Variants in MTUS1 observed in about 807,000 individuals in gnomAD.
The protein encoded by MTUS1 is microtubule-associated tumor suppressor 1.
MTUS1 carries 109 observed loss-of-function variants against 120.8 expected under a neutral mutation model. The ratio of observed to expected loss-of-function variants is 0.90; its 90% CI spans 0.77 to 1.06. MTUS1 has a LOEUF of 1.06. Among genes scored for constraint, MTUS1 ranks in the 50% least tolerant of loss-of-function variants. The pLI is 0.00. For synonymous variants in MTUS1, 737 were observed against 550.5 expected, an observed-to-expected ratio of 1.34 and a Z score of -4.74; for missense variants, 2,210 against 1,486.3, an observed-to-expected ratio of 1.49 and a Z score of -8.01.
Position 17,684,514 on chromosome 8 carries a change from T to A in MTUS1, c.2652A>T (p.Arg884=), listed in dbSNP as rs1815339178. The A allele has an allele frequency of 8.1e-6, 13 of 1,613,964 alleles. No individual in the cohort carries two copies. The highest frequency in any genetic ancestry group is 1.0e-5 in the Non-Finnish European group (12 of 1,180,034). Residue 884 remains arginine, a synonymous_variant, in exon 7 of 15, where the codon CGA becomes CGT. Coordinates refer to ENST00000693296, the MANE Select transcript of MTUS1 (RefSeq NM_001363059.2). ...AVEKSRQKNP[R]SLCIQPQTAP... is the part of the protein sequence containing the mutation. Reference sequence around the variant, plus strand: ...CTGTCTGTGGCTGGATACATAAGCTTCGAGGATTCTTTTGCCTGCTCTTTT... The same window carrying A: ...CTGTCTGTGGCTGGATACATAAGCTACGAGGATTCTTTTGCCTGCTCTTTT...
chr8:17,788,412 C>T (rs538023762), intron 1 of MTUS1, among the ~76,000 whole-genome samples: 13 of 152,216 alleles, frequency 8.5e-5, no homozygotes, highest in African/African-American at 3.1e-4. Flanking sequence ...CAACAGAAAC[C>T]CTTAAATGTT....
At chr8:17,756,680 C>CCCCCA (rs2048648381) in intron 1 of MTUS1, among the ~76,000 whole-genome samples, 1 of 8,026 alleles carries the variant, frequency 1.2e-4, no homozygotes, top group Non-Finnish European at 4.3e-4. Flanking sequence ...AACCCCCACC[C>CCCCCA]CTTATGTAAC....
chr8:17,742,608 C>T (rs566488641), intron 3 of MTUS1, among the ~76,000 whole-genome samples: 1 of 152,092 alleles, frequency 6.6e-6, no homozygotes. Context: ...CCCTCTTCCT[C>T]CACTCACGCC....
In MTUS1 at chr8:17,723,819, A is replaced by G. The variant is rs1205249352; in HGVS notation, c.2302T>C (p.Leu768=). Residue 768 remains leucine (L), a synonymous_variant, in exon 4 of 15, where the codon TTG becomes CTG. Transcript: ENST00000693296. ...RVSSSGKPTS[L]KTAQSSWVNL... is the part of the protein sequence containing the mutation. ...ACCCATGACGACTGTGCAGTTTTCAAGGATGTAGGCTTTCCTTGGGGTTTA... is the reference window on the plus strand; with the variant it reads ...ACCCATGACGACTGTGCAGTTTTCAGGGATGTAGGCTTTCCTTGGGGTTTA... 2 of 1,589,692 alleles carry G rather than the reference A, an allele frequency of 1.3e-6. No homozygotes were observed. The highest frequency in any genetic ancestry group is 1.7e-4 in the Middle Eastern group (1 of 5,916).
In MTUS1 at chr8:17,730,446, C is replaced by T. The variant is rs181487317; in HGVS notation, c.2288-6613G>A. On this transcript the variant is annotated intron_variant, in intron 3 of 14. Transcript: ENST00000693296. ...GTTACAGTGAGCTGAGATCATGCCA[C>T]TATACTCTGGCCTGGGCAAGAGAGC... is the stretch of plus-strand genomic sequence containing the variant. Among the ~76,000 whole-genome samples, 221 of 143,290 alleles carry T rather than the reference C, an allele frequency of 1.5e-3. 2 individuals are homozygous for T. The highest frequency in any genetic ancestry group is 7.5e-3 in the Middle Eastern group (2 of 266). 94.0% of individuals were successfully genotyped at this position (143,290 alleles called of 152,430 possible). A position where few individuals can be genotyped will look rare whatever the true frequency, so the allele number is the denominator to read the frequency against.
chr8:17,754,638 A>G lies in MTUS1; in HGVS notation c.1170T>C (p.Asn390=). 2.5e-6 allele frequency: 4 copies of G among 1,614,150 alleles called. No homozygotes were observed. The highest frequency in any genetic ancestry group is 3.4e-6 in the Non-Finnish European group (4 of 1,180,012). ...VSKGKDLGTQ[N]HTSELILSSP... ...TACTTAGAATCAATTCTGAGGTATG[A>G]TTTTGGGTTCCCAAATCCTTTCCTT... Residue 390 remains asparagine, a synonymous_variant, in exon 2 of 15, where the codon AAT becomes AAC. Coordinates refer to ENST00000693296, the MANE Select transcript of MTUS1 (RefSeq NM_001363059.2).
chr8:17,727,317 C>A (rs922251909), intron 3 of MTUS1, among the ~76,000 whole-genome samples: 1 of 152,158 alleles, frequency 6.6e-6, no homozygotes, highest in African/African-American at 2.4e-5. Context: ...GGTCACATAC[C>A]CGGCCAGTGA....
At chr8:17,770,980 T>C (rs1057314176) in intron 1 of MTUS1, among the ~76,000 whole-genome samples, 1 of 152,148 alleles carries the variant, frequency 6.6e-6, no homozygotes, top group Non-Finnish European at 1.5e-5. Context: ...GTGATTTGGA[T>C]AATGAAAAAG....
At chr8:17,781,672 T>A (rs547115012) in intron 1 of MTUS1, among the ~76,000 whole-genome samples, 1 of 152,340 alleles carries the variant, frequency 6.6e-6, no homozygotes, top group South Asian at 2.1e-4. Context: ...GAAGAAATGC[T>A]GGCTCTCCCC....
chr8:17,697,276 G>A (rs1451127914), intron 6 of MTUS1: 3 of 1,613,776 alleles, frequency 1.9e-6, no homozygotes, highest in Admixed American at 1.7e-5. Flanking sequence ...AAACAACAGT[G>A]CTTCTCCTAA....
In MTUS1 at chr8:17,737,964, C is replaced by T. The variant is rs931979221; in HGVS notation, c.2287+5640G>A. ...AAGAAGATTTGAAATTACCTTAACA[C>T]GAAATGAATGAAAAAATAATCAGTT... On this transcript the variant is annotated intron_variant, in intron 3 of 14. Transcript: ENST00000693296. Among the ~76,000 whole-genome samples the T allele has an allele frequency of 5.9e-5, 9 of 151,982 alleles. No homozygotes were observed. The East Asian group carries it at 1.2e-3, about 20-fold the overall frequency.
chr8:17,716,100 T>C (rs1351623232), intron 4 of MTUS1, among the ~76,000 whole-genome samples, 199 bp from the exon 5 acceptor site: 8 of 152,198 alleles, frequency 5.3e-5, no homozygotes, highest in Middle Eastern at 3.4e-3. Flanking sequence ...ATAATCAGAG[T>C]GACCACACAT....
In MTUS1 at chr8:17,727,601, G is replaced by C. The variant is rs149621586; in HGVS notation, c.2288-3768C>G. Among the ~76,000 whole-genome samples the C allele has an allele frequency of 3.9e-3, 600 of 152,344 alleles. 7 individuals carry two copies. Among genetic ancestry groups the C allele is most frequent in the African/African-American group, 0.014 (562 of 41,578 alleles). On this transcript the variant is annotated intron_variant, in intron 3 of 14. Transcript: ENST00000693296. ...CATAGCAATATTAGGTTAATTGAGA[G>C]ACTGCAAGTAACACAGGCGCTAAAT...
chr8:17,738,960 G>C (rs1379230954), intron 3 of MTUS1, among the ~76,000 whole-genome samples: 2 of 151,450 alleles, frequency 1.3e-5, no homozygotes, highest in South Asian at 2.1e-4. Flanking sequence ...GCAACAAAGT[G>C]AGACCCCCCC....
At chr8:17,710,570 C>T (rs750444325) in intron 6 of MTUS1, among the ~76,000 whole-genome samples, 1 of 152,258 alleles carries the variant, frequency 6.6e-6, no homozygotes, top group African/African-American at 2.4e-5. Flanking sequence ...CACTGAAGCA[C>T]TGAACCCCTC....
intron 12 of MTUS1, among the ~76,000 whole-genome samples, chr8:17,650,511 C>T (rs1367866476): frequency 1.3e-5 from 2 of 152,164 alleles, no homozygotes; most frequent in Admixed American, 6.5e-5. Context: ...CCAGTACCTA[C>T]ACGGCATGGA....
In MTUS1 at chr8:17,755,989, G is replaced by C. The variant is rs147928172; in HGVS notation, c.-154-28C>G. ...GGAAGAAATAAAATGTTTAACTCAA[G>C]TAACTATAAGAAAAATTAACAGGCC... On this transcript the variant is annotated intron_variant, in intron 1 of 14. Transcript: ENST00000693296. 9.8e-5 allele frequency: 134 copies of C among 1,369,476 alleles called. No homozygotes were observed. In the African/African-American group the frequency reaches 1.8e-3, roughly 19 times the overall value. The allele number at this position is 1,369,476 out of a possible 1,614,324, so 84.8% of individuals were successfully genotyped here. A position where few individuals can be genotyped will look rare whatever the true frequency, so the allele number is the denominator to read the frequency against.
intron 3 of MTUS1, among the ~76,000 whole-genome samples, chr8:17,726,272 G>C (rs1206010441): frequency 6.6e-6 from 1 of 152,158 alleles, no homozygotes; most frequent in East Asian, 1.9e-4. Context: ...GCACTGTTGA[G>C]AATCAGGACC....
chr8:17,674,467 A>G (rs1812656510), intron 8 of MTUS1: 2 of 984,986 alleles, frequency 2.0e-6, no homozygotes, highest in South Asian at 9.4e-5. Context: ...AACAAAGCAA[A>G]GGCAGTGTCG....
Sources: allele counts gnomAD v4.1 joint callset (sites outside exome capture counted in the v4.1 genomes callset), GRCh38; gene constraint gnomAD v4.1.1; transcripts MANE v1.5; gene names NCBI Gene and HGNC (gene_info 2026-07-23, HGNC 2026-07-21).